MFSD6: variants seen among roughly 807,000 people sequenced by gnomAD.
MFSD6 encodes the protein major facilitator superfamily domain-containing protein 6.
A neutral mutation model predicts 56.3 loss-of-function variants in MFSD6; 26 were observed. That is an observed-to-expected ratio of 0.46 (90% confidence interval 0.34 to 0.64). MFSD6 has a LOEUF of 0.64. MFSD6 is among the 30% of genes least tolerant of loss of function. The pLI is 0.01. For synonymous variants in MFSD6, 331 were observed against 366.9 expected (o/e 0.90, Z 1.12); for missense variants, 750 against 986.2 (o/e 0.76, Z 3.21).
chr2:190,480,324 A>T (rs1054648869), intron 4 of MFSD6, among the ~76,000 whole-genome samples: 1 of 152,248 alleles, frequency 6.6e-6, no homozygotes. Flanking sequence ...ATATAGGAAG[A>T]TACACTATTA....
rs1270922939 is a variant in MFSD6 at position 190,415,860 on chromosome 2, A to G, written c.-54+447A>G. Among the ~76,000 whole-genome samples the G allele has an allele frequency of 6.6e-6, 1 of 152,208 alleles. No homozygotes were observed. Among genetic ancestry groups the G allele is most frequent in the Non-Finnish European group, 1.5e-5 (1 of 68,046 alleles). ...CAATTGTAAACTCATAAAAGGTCTG[A>G]GAAAGAAGCACCCATACATTTCTGT... is the stretch of plus-strand genomic sequence containing the variant. On this transcript the variant is annotated intron_variant, in intron 2 of 7. Coordinates refer to ENST00000392328, the MANE Select transcript of MFSD6 (RefSeq NM_017694.4). The surrounding 1 kb of genome is among the most constrained non-coding windows in gnomAD (Gnocchi z 4.5).
chr2:190,422,928 C>A (rs1274003924), intron 2 of MFSD6, among the ~76,000 whole-genome samples: 5 of 151,496 alleles, frequency 3.3e-5, no homozygotes, highest in Non-Finnish European at 5.9e-5. Context: ...TTGTAGAATA[C>A]TGTAGTTCAG....
chr2:190,497,816 A>C lies in MFSD6; in HGVS notation c.2172+97A>C. ...ACTCACTTTTCATTCAACAAGATTT[A>C]TTGAAAGTCTGGTGGGGGAAATAGA... On this transcript the variant is annotated intron_variant, in intron 7 of 7. Coordinates refer to ENST00000392328, the MANE Select transcript of MFSD6 (RefSeq NM_017694.4). This position sits in a 1 kb window ranked among gnomAD's most constrained non-coding sequence, Gnocchi z 5.2. The C allele has an allele frequency of 7.2e-7, 1 of 1,383,556 alleles. No homozygotes were observed. The highest frequency in any genetic ancestry group is 9.9e-7 in the Non-Finnish European group (1 of 1,014,312). The allele number at this position is 1,383,556 out of a possible 1,614,324, so 85.7% of individuals were successfully genotyped here. A position where few individuals can be genotyped will look rare whatever the true frequency, so the allele number is the denominator to read the frequency against.
intron 1 of MFSD6, among the ~76,000 whole-genome samples, chr2:190,409,847 A>C (rs1272832005): frequency 6.6e-6 from 1 of 152,198 alleles, no homozygotes; most frequent in East Asian, 1.9e-4. Context: ...TCAGCTGTTT[A>C]GTGATAGTCA....
In MFSD6 at chr2:190,493,469, G is replaced by C. The variant is rs572809908; in HGVS notation, c.1891+3603G>C. Among the ~76,000 whole-genome samples the C allele has an allele frequency of 3.9e-5, 6 of 152,142 alleles. 1 individual carries two copies. The East Asian group carries it at 1.2e-3, about 29-fold the overall frequency. On this transcript the variant is annotated intron_variant, in intron 6 of 7. Transcript: ENST00000392328. ...AGTACTCCACTGACAGCACTAGACA[G>C]GACATCAAGACAAAGTCAACAAAGA...
intron 3 of MFSD6, among the ~76,000 whole-genome samples, chr2:190,448,130 C>T (rs1195342543): frequency 6.6e-6 from 1 of 152,076 alleles, no homozygotes; most frequent in African/African-American, 2.4e-5. Context: ...TGCAGACTGC[C>T]CTTAGACTGC....
intron 4 of MFSD6, among the ~76,000 whole-genome samples, chr2:190,479,587 C>T (rs1186926757): frequency 1.3e-5 from 2 of 152,186 alleles, no homozygotes; most frequent in East Asian, 1.9e-4. Flanking sequence ...ACTTGTTATT[C>T]TCCTTCCTCT....
intron 4 of MFSD6, among the ~76,000 whole-genome samples, chr2:190,473,447 A>G (rs1471064034): frequency 1.3e-5 from 2 of 152,218 alleles, no homozygotes; most frequent in Non-Finnish European, 2.9e-5. Flanking sequence ...CTGGTCTCTG[A>G]TAAAACAAAC....
chr2:190,434,425 ATTTAT>A lies in MFSD6; in HGVS notation c.-53-1539_-53-1535del, dbSNP rs1451932414. Among the ~76,000 whole-genome samples the A allele has an allele frequency of 3.3e-5, 5 of 152,014 alleles. No homozygotes were observed. Among genetic ancestry groups the A allele is most frequent in the African/African-American group, 4.8e-5 (2 of 41,402 alleles). On this transcript the variant is annotated intron_variant, in intron 2 of 7. Transcript: ENST00000392328. This position sits in a 1 kb window ranked among gnomAD's most constrained non-coding sequence, Gnocchi z 4.3. ...CTAATATCGTATATGAAAAACATTT[ATTTAT>A]TTTATTTTATTTATTTATTTTTTTG...
chr2:190,467,108 C>T lies in MFSD6; in HGVS notation c.1533-2650C>T, dbSNP rs753324517. Among the ~76,000 whole-genome samples the T allele has an allele frequency of 4.6e-5, 7 of 152,168 alleles. No individual in the cohort carries two copies. Among genetic ancestry groups the T allele is most frequent in the Non-Finnish European group, 7.4e-5 (5 of 68,022 alleles). On this transcript the variant is annotated intron_variant, in intron 3 of 7. Transcript: ENST00000392328. This position sits in a 1 kb window ranked among gnomAD's most constrained non-coding sequence, Gnocchi z 5.5. ...TTGTGAACACTAGGAAAGTGGATTACCAACATTGTTTTATGATGGGATTAT... is the reference window on the plus strand; with the variant it reads ...TTGTGAACACTAGGAAAGTGGATTATCAACATTGTTTTATGATGGGATTAT...
At position 190,473,110 on chromosome 2, in the gene MFSD6, C is replaced by T. The variant is rs181711200; in HGVS notation, c.1630+3255C>T. ...AGCACTAAACATGGAAAGGAACAAC[C>T]GGTACCAGCTACTGCAAAAACATGC... On this transcript the variant is annotated intron_variant, in intron 4 of 7. Coordinates refer to ENST00000392328, the MANE Select transcript of MFSD6 (RefSeq NM_017694.4). 3.7e-4 allele frequency among the ~76,000 whole-genome samples: 56 copies of T among 152,218 alleles called. 1 individual carries two copies. Among genetic ancestry groups the T allele is most frequent in the Admixed American group, 3.3e-4 (5 of 15,278 alleles).
rs548977158 is a variant in MFSD6, at chr2:190,487,253, A to T, written c.1631-1404A>T. ...CTACTTGGGAGGCTGAAGCAGGAGG[A>T]TCGCTTGAACCCAGGAAGCAGAGGT... On this transcript the variant is annotated intron_variant, in intron 4 of 7. Transcript: ENST00000392328. This position sits in a 1 kb window ranked among gnomAD's most constrained non-coding sequence, Gnocchi z 5.5. 2.6e-5 allele frequency among the ~76,000 whole-genome samples: 4 copies of T among 152,306 alleles called. No homozygotes were observed. Among genetic ancestry groups the T allele is most frequent in the Non-Finnish European group, 5.9e-5 (4 of 68,030 alleles).
chr2:190,451,322 T>C lies in MFSD6; in HGVS notation c.1532+13761T>C, dbSNP rs62181015. ...TCATAGCATTGTCCTTAAGATTAAA[T>C]GAGATAATGCTAGCAAGCACATAAT... On this transcript the variant is annotated intron_variant, in intron 3 of 7. Coordinates refer to ENST00000392328, the MANE Select transcript of MFSD6 (RefSeq NM_017694.4). This position sits in a 1 kb window ranked among gnomAD's most constrained non-coding sequence, Gnocchi z 5.0. Among the ~76,000 whole-genome samples, 35,125 of 152,176 alleles carry C rather than the reference T, an allele frequency of 0.23. 4,969 individuals are homozygous for C. The highest frequency in any genetic ancestry group is 0.33 in the South Asian group (1,595 of 4,816).
chr2:190,475,794 C>T (rs1574204443), intron 4 of MFSD6, among the ~76,000 whole-genome samples: 1 of 152,196 alleles, frequency 6.6e-6, no homozygotes, highest in Admixed American at 6.5e-5. Context: ...AGGCATCACA[C>T]TACCTGACTT....
intron 3 of MFSD6, among the ~76,000 whole-genome samples, chr2:190,448,306 A>T (rs1337337789): frequency 1.3e-5 from 2 of 152,252 alleles, no homozygotes; most frequent in African/African-American, 4.8e-5. Flanking sequence ...CATTTTTTAG[A>T]TAAATACCTC....
intron 2 of MFSD6, among the ~76,000 whole-genome samples, chr2:190,432,382 G>A (rs1559108162): frequency 6.6e-6 from 1 of 152,108 alleles, no homozygotes; most frequent in Non-Finnish European, 1.5e-5. Flanking sequence ...AACTCTGCTT[G>A]GTGCTCTATG....
chr2:190,436,381 G>A lies in MFSD6; in HGVS notation c.352G>A (p.Ala118Thr). Residue 118 changes from alanine (A) to threonine (T), a missense_variant, in exon 3 of 8, where the codon GCC becomes ACC. Transcript: ENST00000392328. The surrounding 1 kb of genome is among the most constrained non-coding windows in gnomAD (Gnocchi z 5.3). ...TCGTTACTTCATTGAATTCTGCAGT[G>A]CCCCCTTTTGGGGTGTAGTTGCAGA... The part of the protein sequence containing the change: ...GIRYFIEFCS[A>T]PFWGVVADRF... 6.2e-7 allele frequency: 1 copy of A among 1,614,160 alleles called. No individual in the cohort carries two copies. Among genetic ancestry groups the A allele is most frequent in the Non-Finnish European group, 8.5e-7 (1 of 1,180,024 alleles).
chr2:190,475,247 T>C (rs989923017), intron 4 of MFSD6, among the ~76,000 whole-genome samples: 6 of 152,162 alleles, frequency 3.9e-5, no homozygotes, highest in Non-Finnish European at 8.8e-5. Context: ...ATAAAGGGTA[T>C]TCAATTAGGA....
At position 190,423,046 on chromosome 2, in the gene MFSD6, CT is replaced by C. The variant is rs989544094; in HGVS notation, c.-54+7634del. Among the ~76,000 whole-genome samples, 2 of 152,172 alleles carry C rather than the reference CT, an allele frequency of 1.3e-5. No homozygotes were observed. The highest frequency in any genetic ancestry group is 2.9e-5 in the Non-Finnish European group (2 of 68,024). On this transcript the variant is annotated intron_variant, in intron 2 of 7. Coordinates refer to ENST00000392328, the MANE Select transcript of MFSD6 (RefSeq NM_017694.4). The surrounding 1 kb of genome is among the most constrained non-coding windows in gnomAD (Gnocchi z 4.3). ...TCACTATCTCCCTTAAGGGTAACCC[CT>C]ATCCTAACTTCTTTTAAACTTTATT... is the stretch of plus-strand genomic sequence containing the variant.
Sources: allele counts gnomAD v4.1 joint callset (sites outside exome capture counted in the v4.1 genomes callset), GRCh38; gene constraint gnomAD v4.1.1; non-coding constraint Gnocchi (gnomAD v3.1); transcripts MANE v1.5; gene names NCBI Gene and HGNC (gene_info 2026-07-23, HGNC 2026-07-21).